IGSF11: variants seen among roughly 807,000 people sequenced by gnomAD.
IGSF11 encodes CXADR like 1.
Under a neutral mutation model 41.0 loss-of-function variants are expected in IGSF11, and 22 were observed. The ratio of observed to expected loss-of-function variants is 0.54; its 90% CI spans 0.38 to 0.77. IGSF11 has a LOEUF of 0.77. Ranked by LOEUF, IGSF11 falls within the 30% of genes least tolerant of loss-of-function variation. IGSF11 has a pLI of 0.00. For missense variants in IGSF11, 444 were observed against 530.8 expected (o/e 0.84, Z 1.61); for synonymous variants, 219 against 201.3 (o/e 1.09, Z -0.74).
chr3:119,094,368 A>G (rs1290817480), intron 1 of IGSF11, among the ~76,000 whole-genome samples: 2 of 151,612 alleles, frequency 1.3e-5, no homozygotes, highest in South Asian at 2.1e-4. Context: ...CAACATACAC[A>G]TGGGTAGTGG....
intron 4 of IGSF11, among the ~76,000 whole-genome samples, chr3:118,908,766 T>C (rs955445449): frequency 6.6e-6 from 1 of 152,184 alleles, no homozygotes; most frequent in Non-Finnish European, 1.5e-5. Flanking sequence ...AATGTTAGTG[T>C]ACATTTCCAG....
intron 1 of IGSF11, among the ~76,000 whole-genome samples, chr3:119,080,658 T>C (rs907115369): frequency 6.6e-6 from 1 of 152,192 alleles, no homozygotes; most frequent in Non-Finnish European, 1.5e-5. Flanking sequence ...TCTATGTAAA[T>C]GTTTGCAGAT....
chr3:118,965,530 A>G (rs974238703), intron 1 of IGSF11, among the ~76,000 whole-genome samples: 1 of 142,594 alleles, frequency 7.0e-6, no homozygotes, highest in African/African-American at 2.6e-5. Context: ...TGCCAGATAG[A>G]GGTAAAAAAA....
At chr3:119,113,078 G>T (rs147358816) in intron 1 of IGSF11, among the ~76,000 whole-genome samples, 1 of 152,174 alleles carries the variant, frequency 6.6e-6, no homozygotes, top group Non-Finnish European at 1.5e-5. Flanking sequence ...CAGCAAGAGA[G>T]AAGTCTGCCC....
At chr3:118,947,105 T>C (rs184350109) in intron 1 of IGSF11, 182 of 152,384 alleles carry the variant, frequency 1.2e-3, no homozygotes, top group African/African-American at 4.0e-3. Context: ...CTTCGCACAG[T>C]GCATACCCTC....
At chr3:119,132,152 A>G (rs1341890429) in intron 1 of IGSF11, among the ~76,000 whole-genome samples, 1 of 152,172 alleles carries the variant, frequency 6.6e-6, no homozygotes, top group East Asian at 1.9e-4. Context: ...ATTAATGGAA[A>G]AAATAACCAG....
chr3:118,982,499 T>C (rs1428328819), intron 1 of IGSF11, among the ~76,000 whole-genome samples: 1 of 152,198 alleles, frequency 6.6e-6, no homozygotes, highest in African/African-American at 2.4e-5. Context: ...TAGAAAGATG[T>C]TAAGAAGCTT....
At chr3:119,018,492 T>C (rs945036824) in intron 1 of IGSF11, among the ~76,000 whole-genome samples, 1 of 152,220 alleles carries the variant, frequency 6.6e-6, no homozygotes, top group African/African-American at 2.4e-5. Flanking sequence ...TACTGATCAC[T>C]TAAGCCTGAC....
intron 1 of IGSF11, among the ~76,000 whole-genome samples, chr3:118,960,321 T>A (rs1253554080): frequency 6.6e-6 from 1 of 152,192 alleles, no homozygotes; most frequent in Non-Finnish European, 1.5e-5. Context: ...ATAACCTAGA[T>A]GTCCAGCAAC....
chr3:118,989,324 G>A (rs937230069), intron 1 of IGSF11, among the ~76,000 whole-genome samples: 2 of 151,766 alleles, frequency 1.3e-5, no homozygotes, highest in African/African-American at 2.4e-5. Flanking sequence ...AAATACACAC[G>A]TTAAGAGTAA....
intron 6 of IGSF11, among the ~76,000 whole-genome samples, chr3:118,904,339 T>C (rs1939309556): frequency 6.6e-6 from 1 of 152,196 alleles, no homozygotes; most frequent in South Asian, 2.1e-4. Context: ...AAACACGTTT[T>C]AGACACTACC....
At chr3:119,009,797 T>C (rs936479470) in intron 1 of IGSF11, among the ~76,000 whole-genome samples, 19 of 152,288 alleles carry the variant, frequency 1.2e-4, no homozygotes, top group African/African-American at 4.6e-4. Flanking sequence ...TATTCCTGTT[T>C]TGTCATGCTA....
chr3:119,102,614 T>C (rs1471170555), intron 1 of IGSF11, among the ~76,000 whole-genome samples: 1 of 152,218 alleles, frequency 6.6e-6, no homozygotes, highest in Non-Finnish European at 1.5e-5. Context: ...ATTCAAATAT[T>C]GCATCTAGTC....
chr3:119,135,809 A>G (rs900805112), intron 1 of IGSF11, among the ~76,000 whole-genome samples: 2 of 152,256 alleles, frequency 1.3e-5, no homozygotes, highest in African/African-American at 4.8e-5. Flanking sequence ...ACTTGGAACC[A>G]ACCCAAATGT....
chr3:119,106,665 C>T (rs539572191), upstream of IGSF11, among the ~76,000 whole-genome samples: 35 of 152,170 alleles, frequency 2.3e-4, no homozygotes, highest in South Asian at 4.2e-4. Flanking sequence ...TATACATGAG[C>T]CATGCTGGTG....
At chr3:119,077,123 A>G (rs2076512966) in intron 1 of IGSF11, among the ~76,000 whole-genome samples, 1 of 152,216 alleles carries the variant, frequency 6.6e-6, no homozygotes, top group Non-Finnish European at 1.5e-5. Flanking sequence ...TTGTAGGGAC[A>G]TGGATGAAGC....
chr3:119,028,274 G>A (rs1576683438), intron 1 of IGSF11, among the ~76,000 whole-genome samples: 1 of 152,286 alleles, frequency 6.6e-6, no homozygotes, highest in East Asian at 1.9e-4. Context: ...GAGGAGAGAA[G>A]GGAATAGGAG....
intron 1 of IGSF11, among the ~76,000 whole-genome samples, chr3:119,067,961 T>C (rs1486947691): frequency 1.3e-5 from 2 of 152,256 alleles, no homozygotes; most frequent in Non-Finnish European, 2.9e-5. Context: ...GCAATCTACA[T>C]ACATCTTACC....
intron 1 of IGSF11, among the ~76,000 whole-genome samples, chr3:118,993,495 C>G (rs1216633447): frequency 6.6e-6 from 1 of 152,142 alleles, no homozygotes; most frequent in East Asian, 1.9e-4. Flanking sequence ...TAAGCAATTC[C>G]ACCTTTAGTT....
Sources: gnomAD v4.1 joint callset for allele counts (sites outside exome capture counted in the v4.1 genomes callset) on GRCh38, gnomAD v4.1.1 for gene constraint, MANE v1.5 for transcripts, NCBI Gene and HGNC (gene_info 2026-07-23, HGNC 2026-07-21) for gene names.